BFAR: variants seen among roughly 807,000 people sequenced by gnomAD.
The protein encoded by BFAR is RING finger protein 47.
Under a neutral mutation model 54.4 loss-of-function variants are expected in BFAR, and 52 were observed. That is an observed-to-expected ratio of 0.96 (90% CI 0.77 to 1.21). The LOEUF (loss-of-function observed/expected upper bound fraction) is 1.21. Ranked by LOEUF, BFAR falls within the 50% of genes most tolerant of loss-of-function variation. BFAR has a pLI of 0.00. For missense variants in BFAR, 571 were observed against 534.0 expected (o/e 1.07, Z -0.68); for synonymous variants, 215 against 204.3 (o/e 1.05, Z -0.45).
intron 6 of BFAR, among the ~76,000 whole-genome samples, chr16:14,664,059 A>G (rs1323474335): frequency 4.6e-5 from 7 of 152,132 alleles, no homozygotes. Flanking sequence ...CCTGGCCAAC[A>G]TGGCAAAACC....
intron 5 of BFAR, among the ~76,000 whole-genome samples, chr16:14,658,185 C>G (rs1200821531): frequency 6.6e-6 from 1 of 152,188 alleles, no homozygotes; most frequent in African/African-American, 2.4e-5. Flanking sequence ...TGGCAGGCAG[C>G]AGATGTGCTG....
chr16:14,642,461 T>C (rs894298861), intron 1 of BFAR, among the ~76,000 whole-genome samples: 1 of 152,148 alleles, frequency 6.6e-6, no homozygotes, highest in African/African-American at 2.4e-5. Flanking sequence ...TTTAAAAAAA[T>C]TTTTAAAAAT....
chr16:14,639,415 A>C (rs534386661), intron 1 of BFAR, among the ~76,000 whole-genome samples: 53 of 151,818 alleles, frequency 3.5e-4, no homozygotes, highest in Admixed American at 3.0e-3. Flanking sequence ...GCAAATGATT[A>C]TCCTGCCTCA....
chr16:14,662,429 T>A (rs1482142766), intron 6 of BFAR, among the ~76,000 whole-genome samples: 1 of 152,128 alleles, frequency 6.6e-6, no homozygotes, highest in Non-Finnish European at 1.5e-5. Flanking sequence ...GCTAATCGGC[T>A]CCCTTGCACA....
chr16:14,638,762 G>A (rs1204594126), intron 1 of BFAR, among the ~76,000 whole-genome samples: 1 of 152,016 alleles, frequency 6.6e-6, no homozygotes, highest in African/African-American at 2.4e-5. Flanking sequence ...TCTGGCCAAC[G>A]TGGCAAACCC....
At chr16:14,633,938 C>T (rs1959349101) in intron 1 of BFAR, among the ~76,000 whole-genome samples, 1 of 152,196 alleles carries the variant, frequency 6.6e-6, no homozygotes, top group Non-Finnish European at 1.5e-5. Flanking sequence ...CAGGCGTGAG[C>T]CACCGCGCCC....
intron 1 of BFAR, among the ~76,000 whole-genome samples, chr16:14,639,929 T>C (rs1959569870): frequency 1.3e-5 from 2 of 151,874 alleles, no homozygotes; most frequent in Non-Finnish European, 1.5e-5. Context: ...GAGGTCGCGG[T>C]AGGCAGATTG....
chr16:14,633,098 G>A (rs1959308480), intron 1 of BFAR, 80 bp downstream of exon 1: 1 of 152,350 alleles, frequency 6.6e-6, no homozygotes, highest in African/African-American at 2.4e-5. Flanking sequence ...GACGGAGCGG[G>A]AATCCCTTCT....
intron 1 of BFAR, among the ~76,000 whole-genome samples, chr16:14,636,811 C>T (rs1959459828): frequency 6.6e-6 from 1 of 152,348 alleles, no homozygotes; most frequent in Non-Finnish European, 1.5e-5. Flanking sequence ...CTGCGGGCTT[C>T]CGCAGTGTTT....
intron 7 of BFAR, 69 bp downstream of exon 7, chr16:14,665,140 T>A: frequency 7.1e-7 from 1 of 1,404,596 alleles, no homozygotes; most frequent in East Asian, 2.3e-5. Flanking sequence ...AAAGATCCTC[T>A]TTTATTTCTC....
Position 14,664,994 on chromosome 16 carries a change from T to C in BFAR, c.1083T>C (p.Phe361=), listed in dbSNP as rs745636640. The change falls in exon 7 of 8, where the codon TTT becomes TTC. Residue 361 remains phenylalanine, a synonymous_variant. Transcript: ENST00000261658. ...WLEVHYWTSR[F]LIINAMLLSV... Reference sequence around the variant, plus strand: ...AGGTCCATTACTGGACATCACGGTTTCTCATCATCAATGCTATGTTACTCT... The same window carrying C: ...AGGTCCATTACTGGACATCACGGTTCCTCATCATCAATGCTATGTTACTCT... 2.5e-6 allele frequency: 4 copies of C among 1,613,980 alleles called. No homozygotes were observed. Among genetic ancestry groups the C allele is most frequent in the Non-Finnish European group, 3.4e-6 (4 of 1,179,938 alleles).
intron 2 of BFAR, 30 bp downstream of exon 2, chr16:14,644,639 A>G: frequency 6.3e-7 from 1 of 1,594,502 alleles, no homozygotes; most frequent in Non-Finnish European, 8.5e-7. Flanking sequence ...GGTAGCACAA[A>G]CAGCCCATAA....
intron 2 of BFAR, among the ~76,000 whole-genome samples, chr16:14,645,278 C>T (rs942356378): frequency 4.0e-5 from 6 of 151,838 alleles, no homozygotes; most frequent in Non-Finnish European, 5.9e-5. Context: ...CCACTACACT[C>T]CAGCCTGGGC....
intron 6 of BFAR, among the ~76,000 whole-genome samples, chr16:14,664,361 A>G (rs1596995579): frequency 1.4e-5 from 2 of 147,472 alleles, no homozygotes; most frequent in Admixed American, 6.9e-5. Flanking sequence ...ACTGCATTCC[A>G]GCCTGGGTAA....
intron 4 of BFAR, 113 bp downstream of exon 4, chr16:14,650,086 C>A: frequency 1.8e-6 from 2 of 1,088,652 alleles, no homozygotes; most frequent in Non-Finnish European, 2.5e-6. Context: ...CTTTGGGAGG[C>A]CGAGGCGGAT....
At chr16:14,648,343 T>G in intron 2 of BFAR, 45 bp from the exon 3 acceptor site, 1 of 1,502,252 alleles carries the variant, frequency 6.7e-7, no homozygotes, top group Non-Finnish European at 9.2e-7. Flanking sequence ...AAACATGATA[T>G]TTAGTCAAAC....
chr16:14,650,186 AG>A, intron 4 of BFAR: 1 of 414,926 alleles, frequency 2.4e-6, no homozygotes. Flanking sequence ...AAAATTGGCC[AG>A]GCTTGGTAGT....
intron 5 of BFAR, among the ~76,000 whole-genome samples, chr16:14,656,251 G>C (rs1463570365): frequency 6.6e-6 from 1 of 152,070 alleles, no homozygotes; most frequent in Non-Finnish European, 1.5e-5. Context: ...TGTGGGCTGG[G>C]CATGGTGGTT....
At chr16:14,648,363 A>G (rs374319220) in intron 2 of BFAR, 25 bp from the exon 3 acceptor site, 13 of 1,571,698 alleles carry the variant, frequency 8.3e-6, no homozygotes, top group Middle Eastern at 3.4e-4. Flanking sequence ...CAACTGTCTT[A>G]ATTTTTTTTT....
Sources: gnomAD v4.1 joint callset for allele counts (sites outside exome capture counted in the v4.1 genomes callset) on GRCh38, gnomAD v4.1.1 for gene constraint, MANE v1.5 for transcripts, NCBI Gene and HGNC (gene_info 2026-07-23, HGNC 2026-07-21) for gene names.